Variants in DMTF1 observed in about 807,000 individuals in gnomAD.
DMTF1 encodes cyclin-D-binding Myb-like transcription factor 1.
In DMTF1, 39 loss-of-function variants were observed where a neutral mutation model predicts 91.1. That is an observed-to-expected ratio of 0.43 (90% CI 0.33 to 0.56). The LOEUF is 0.56. Ranked by LOEUF, DMTF1 falls within the 20% of genes least tolerant of loss-of-function variation. The pLI is 0.05. For synonymous variants in DMTF1, 338 were observed against 309.5 expected (o/e 1.09, Z -0.97); for missense variants, 750 against 914.5 (o/e 0.82, Z 2.32).
At chr7:87,173,252 A>G (rs34234986) in intron 5 of DMTF1, among the ~76,000 whole-genome samples, 2,095 of 152,272 alleles carry the variant, frequency 0.014, 25 homozygotes, top group Middle Eastern at 0.037. Context: ...GGCCCATTTT[A>G]TATAAAACTG....
chr7:87,181,490 A>C (rs909846257), intron 9 of DMTF1, 149 bp downstream of exon 9: 2 of 466,356 alleles, frequency 4.3e-6, no homozygotes, highest in Non-Finnish European at 8.1e-6. Flanking sequence ...GATCACATCA[A>C]ATCCATTACT....
intron 1 of DMTF1, among the ~76,000 whole-genome samples, chr7:87,158,653 A>G (rs1791421481): frequency 6.6e-6 from 1 of 152,114 alleles, no homozygotes; most frequent in South Asian, 2.1e-4. Context: ...CGTACCACCT[A>G]TCTAGTGATT....
intron 6 of DMTF1, among the ~76,000 whole-genome samples, 159 bp downstream of exon 6, chr7:87,173,808 T>G (rs1318559991): frequency 6.6e-6 from 1 of 152,214 alleles, no homozygotes; most frequent in East Asian, 1.9e-4. Context: ...CAAATGACTT[T>G]GAATTAAGGT....
At chr7:87,189,195 AT>A (rs1479686126) in intron 13 of DMTF1, among the ~76,000 whole-genome samples, 1 of 152,154 alleles carries the variant, frequency 6.6e-6, no homozygotes, top group Non-Finnish European at 1.5e-5. Flanking sequence ...CAAATATACC[AT>A]TATGATTCCC....
chr7:87,173,796 C>T, intron 6 of DMTF1, 147 bp downstream of exon 6: 1 of 406,912 alleles, frequency 2.5e-6, no homozygotes, highest in Non-Finnish European at 4.3e-6. Flanking sequence ...TAAATTTGGC[C>T]CCAAATGACT....
Position 87,194,994 on chromosome 7 carries a change from A to G in DMTF1, c.2174-37A>G, listed in dbSNP as rs1282335007. 12 of 1,542,544 alleles carry G rather than the reference A, an allele frequency of 7.8e-6. 1 individual carries two copies. In the South Asian group the frequency reaches 1.4e-4, roughly 18 times the overall value. On this transcript the variant is annotated intron_variant, in intron 17 of 17. Transcript: ENST00000331242. ...ATTCTTGACATGGATTAGAGAATAA[A>G]TATATACATTTAAGACTAACTTGAA... is the stretch of plus-strand genomic sequence containing the variant.
chr7:87,160,825 T>C (rs1792142065), intron 1 of DMTF1, among the ~76,000 whole-genome samples: 6 of 152,226 alleles, frequency 3.9e-5, no homozygotes, highest in Admixed American at 3.9e-4. Context: ...TCTCTCTAGC[T>C]GGTCCTTCTC....
rs1801105993 is a variant in DMTF1, at chr7:87,195,776, A to G, written c.*636A>G. ...TGTTACTTTTAAAGGGAATATGGAT[A>G]AGCATAGTAACAAAACCCACCAGAA... On this transcript the variant is annotated 3_prime_UTR_variant, in exon 18 of 18. Transcript: ENST00000331242. 6.6e-6 allele frequency: 1 copy of G among 152,554 alleles called. No homozygotes were observed. The highest frequency in any genetic ancestry group is 1.5e-5 in the Non-Finnish European group (1 of 68,000). The allele number at this position is 152,554 out of a possible 1,614,324, so 9.5% of individuals were successfully genotyped here. A position where few individuals can be genotyped will look rare whatever the true frequency, so the allele number is the denominator to read the frequency against.
At chr7:87,172,478 A>G (rs1166672246) in intron 5 of DMTF1, among the ~76,000 whole-genome samples, 2 of 152,340 alleles carry the variant, frequency 1.3e-5, no homozygotes, top group East Asian at 3.9e-4. Flanking sequence ...TTGTCCACTG[A>G]CAGCTTACCT....
intron 8 of DMTF1, among the ~76,000 whole-genome samples, chr7:87,180,276 G>A (rs1242115904): frequency 1.3e-5 from 2 of 152,168 alleles, no homozygotes; most frequent in Admixed American, 6.5e-5. Context: ...AGCTAATGTT[G>A]GAGCTCTTTC....
chr7:87,153,481 T>C (rs56092809), intron 1 of DMTF1, among the ~76,000 whole-genome samples: 3,967 of 152,310 alleles, frequency 0.026, 78 homozygotes, highest in East Asian at 0.065. Flanking sequence ...TTTTGTGCAA[T>C]TGAATGATAG....
At chr7:87,188,349 T>G in intron 13 of DMTF1, 48 bp downstream of exon 13, 1 of 1,593,464 alleles carries the variant, frequency 6.3e-7, no homozygotes, top group Non-Finnish European at 8.6e-7. Context: ...CTATATGATT[T>G]GGTTAATGGC....
At chr7:87,181,371 TA>T (rs1220570653) in intron 9 of DMTF1, 30 bp downstream of exon 9, 3 of 1,089,708 alleles carry the variant, frequency 2.8e-6, no homozygotes, top group Non-Finnish European at 4.1e-6. Context: ...TCATTAATTC[TA>T]ATTTTTTATG....
chr7:87,187,611 T>C (rs1798746857), intron 12 of DMTF1: 1 of 161,214 alleles, frequency 6.2e-6, no homozygotes, highest in Non-Finnish European at 1.4e-5. Flanking sequence ...AAGCAAAGTC[T>C]AGAATTGGCT....
intron 1 of DMTF1, among the ~76,000 whole-genome samples, chr7:87,157,943 C>A (rs1364391310): frequency 1.3e-5 from 2 of 151,670 alleles, no homozygotes; most frequent in Admixed American, 6.6e-5. Flanking sequence ...TTTTAAAATA[C>A]TAAGTACACA....
Position 87,165,024 on chromosome 7 carries a change from A to G in DMTF1, c.83A>G (p.Asn28Ser), listed in dbSNP as rs747247046. The stretch of plus-strand genomic sequence containing the variant: ...ACTTTGACTCAGGACACAGAAGGGA[A>G]TCTCATTCTTCACTGCCCTCAGAAT... Reference protein sequence around the residue: ...SVTLTQDTEGNLILHCPQNEA... With the variant: ...SVTLTQDTEGSLILHCPQNEA... The change falls in exon 3 of 18, where the codon AAT becomes AGT. Residue 28 changes from asparagine to serine, a missense_variant. This residue lies in a region of DMTF1 where 150 missense variants were observed against 150.4 expected (regional missense o/e 1.00). Coordinates refer to ENST00000331242, the MANE Select transcript of DMTF1 (RefSeq NM_001142327.2). 23 of 1,610,410 alleles carry G rather than the reference A, an allele frequency of 1.4e-5. No homozygotes were observed. Among genetic ancestry groups the G allele is most frequent in the African/African-American group, 2.7e-5 (2 of 74,786 alleles).
intron 4 of DMTF1, among the ~76,000 whole-genome samples, chr7:87,167,342 A>G (rs761778479): frequency 2.2e-4 from 34 of 152,204 alleles, no homozygotes; most frequent in Non-Finnish European, 4.7e-4. Flanking sequence ...CAGCATACCA[A>G]CTGCAACATT....
chr7:87,173,513 G>GTTTTT (rs754561150), intron 5 of DMTF1, 22 bp from the exon 6 acceptor site: 11 of 1,521,556 alleles, frequency 7.2e-6, no homozygotes, highest in African/African-American at 1.4e-5. Flanking sequence ...GTTTTGTTTT[G>GTTTTT]TTTTACTTTT....
chr7:87,186,869 A>C (rs1316312437), intron 12 of DMTF1: 1 of 152,174 alleles, frequency 6.6e-6, no homozygotes. Flanking sequence ...ATTGATGACT[A>C]TATTTTTATT....
Sources: allele counts gnomAD v4.1 joint callset (sites outside exome capture counted in the v4.1 genomes callset), GRCh38; gene constraint gnomAD v4.1.1; regional missense constraint gnomAD v4.1.1; transcripts MANE v1.5; gene names NCBI Gene and HGNC (gene_info 2026-07-23, HGNC 2026-07-21).